SLIT2: variants seen among roughly 807,000 people sequenced by gnomAD.
The protein encoded by SLIT2 is slit guidance ligand 2.
A neutral mutation model predicts 185.7 loss-of-function variants in SLIT2; 41 were observed. The ratio of observed to expected loss-of-function variants is 0.22; its 90% CI spans 0.17 to 0.29. The LOEUF is 0.29. Ranked by LOEUF, SLIT2 falls within the 10% of genes least tolerant of loss-of-function variation. SLIT2 has a pLI of 1.00. For synonymous variants in SLIT2, 693 were observed against 680.2 expected, an observed-to-expected ratio of 1.02 and a Z score of -0.29; for missense variants, 1,571 against 1,909.0, an observed-to-expected ratio of 0.82 and a Z score of 3.30.
intron 4 of SLIT2, among the ~76,000 whole-genome samples, chr4:20,454,597 G>A (rs1387780581): frequency 6.6e-6 from 1 of 152,126 alleles, no homozygotes; most frequent in Non-Finnish European, 1.5e-5. Flanking sequence ...GACTCTAAGA[G>A]AGGTTAAACC....
chr4:20,568,330 T>G (rs1280298069), intron 28 of SLIT2, among the ~76,000 whole-genome samples: 1 of 152,124 alleles, frequency 6.6e-6, no homozygotes, highest in Admixed American at 6.6e-5. Flanking sequence ...GATAGTTTTA[T>G]GCCAGAGGAA....
At chr4:20,494,792 A>G (rs1718080649) in intron 9 of SLIT2, among the ~76,000 whole-genome samples, 2 of 151,834 alleles carry the variant, frequency 1.3e-5, no homozygotes, top group Non-Finnish European at 2.9e-5. Context: ...AAAAAAAAAA[A>G]GTACTAAAAT....
In SLIT2 at chr4:20,403,968, T is replaced by A. The variant is rs142816156; in HGVS notation, c.396-63784T>A. Among the ~76,000 whole-genome samples, 280 of 151,832 alleles carry A rather than the reference T, an allele frequency of 1.8e-3. 1 individual carries two copies. The highest frequency in any genetic ancestry group is 1.2e-3 in the South Asian group (6 of 4,808). On this transcript the variant is annotated intron_variant, in intron 4 of 36. Coordinates refer to ENST00000504154, the MANE Select transcript of SLIT2 (RefSeq NM_004787.4). ...TGGAAGATAGATTCATTGGGCCGCATACAAACATGAAATGTCAACTTTGCC... is the reference window on the plus strand; with the variant it reads ...TGGAAGATAGATTCATTGGGCCGCAAACAAACATGAAATGTCAACTTTGCC...
intron 26 of SLIT2, among the ~76,000 whole-genome samples, chr4:20,562,206 T>A (rs927875871): frequency 2.0e-5 from 3 of 151,894 alleles, no homozygotes; most frequent in Non-Finnish European, 4.4e-5. Context: ...ATTTAGTGGC[T>A]TCTTTTTACT....
intron 4 of SLIT2, among the ~76,000 whole-genome samples, chr4:20,335,211 G>A (rs887259369): frequency 6.6e-6 from 1 of 152,188 alleles, no homozygotes; most frequent in South Asian, 2.1e-4. Flanking sequence ...ACCATATCAG[G>A]GAGCTTGAGT....
At chr4:20,590,200 C>T (rs1368941516) in intron 30 of SLIT2, among the ~76,000 whole-genome samples, 6 of 152,148 alleles carry the variant, frequency 3.9e-5, no homozygotes, top group Non-Finnish European at 7.3e-5. Flanking sequence ...CCACCGCGCC[C>T]AGCCCCAGAC....
chr4:20,617,247 G>C (rs754338286), intron 35 of SLIT2, 49 bp downstream of exon 35: 1 of 1,258,416 alleles, frequency 7.9e-7, no homozygotes, highest in Non-Finnish European at 1.0e-6. Context: ...AAGCCTCAAA[G>C]CCAAACCAAA....
At chr4:20,583,501 G>T (rs1429346040) in intron 29 of SLIT2, among the ~76,000 whole-genome samples, 1 of 152,048 alleles carries the variant, frequency 6.6e-6, no homozygotes, top group African/African-American at 2.4e-5. Context: ...TGTTAAACAA[G>T]GAAGGAGCAT....
intron 4 of SLIT2, among the ~76,000 whole-genome samples, chr4:20,402,665 T>C (rs1726452665): frequency 6.6e-6 from 1 of 151,924 alleles, no homozygotes; most frequent in Non-Finnish European, 1.5e-5. Context: ...TTTTGTTTCC[T>C]TTATCACATT....
At chr4:20,329,473 TC>T (rs939525417) in intron 4 of SLIT2, among the ~76,000 whole-genome samples, 1 of 152,056 alleles carries the variant, frequency 6.6e-6, no homozygotes, top group Non-Finnish European at 1.5e-5. Flanking sequence ...GAGTGTTTAT[TC>T]CATAAGAGAA....
At chr4:20,602,728 G>A (rs1028561594) in intron 33 of SLIT2, among the ~76,000 whole-genome samples, 1 of 152,144 alleles carries the variant, frequency 6.6e-6, no homozygotes, top group African/African-American at 2.4e-5. Context: ...AGAGCTGATT[G>A]TCTGCATGTC....
intron 11 of SLIT2, among the ~76,000 whole-genome samples, chr4:20,513,736 T>TGGG (rs112347721): frequency 2.6e-5 from 4 of 151,922 alleles, no homozygotes; most frequent in African/African-American, 9.7e-5. Context: ...TAGCTGTGGT[T>TGGG]GGCGGGGGGA....
chr4:20,598,416 G>A (rs1728149634), intron 33 of SLIT2, 21 bp downstream of exon 33: 1 of 1,613,144 alleles, frequency 6.2e-7, no homozygotes, highest in Non-Finnish European at 8.5e-7. Context: ...CTCAGTTACG[G>A]GTAAAGGTGA....
chr4:20,523,648 T>G (rs887970828), intron 12 of SLIT2, 112 bp from the exon 13 acceptor site: 1 of 793,996 alleles, frequency 1.3e-6, no homozygotes, highest in East Asian at 2.6e-5. Flanking sequence ...AATGTTAGTG[T>G]TGAGGTGAAA....
Position 20,409,725 on chromosome 4 carries a change from C to T in SLIT2, c.396-58027C>T, listed in dbSNP as rs1727055634. Among the ~76,000 whole-genome samples the T allele has an allele frequency of 2.0e-5, 3 of 152,164 alleles. No homozygotes were observed. In the South Asian group the frequency reaches 6.2e-4, roughly 31 times the overall value. ...CATTCCTTTTTCTCCACAACCTCGC[C>T]AGCACCTGTGTTTTTTAACTTTTTA... On this transcript the variant is annotated intron_variant, in intron 4 of 36. Coordinates refer to ENST00000504154, the MANE Select transcript of SLIT2 (RefSeq NM_004787.4).
At position 20,421,885 on chromosome 4, in the gene SLIT2, A is replaced by G. The variant is rs180975736; in HGVS notation, c.396-45867A>G. Among the ~76,000 whole-genome samples the G allele has an allele frequency of 2.5e-4, 38 of 152,244 alleles. No individual in the cohort carries two copies. In the East Asian group the frequency reaches 7.4e-3, roughly 29 times the overall value. ...GCATGCAAGATTGCTTTTCAGATCT[A>G]TGCTTTGGTTTTTTGTTCATTTTTG... is the stretch of plus-strand genomic sequence containing the variant. On this transcript the variant is annotated intron_variant, in intron 4 of 36. Coordinates refer to ENST00000504154, the MANE Select transcript of SLIT2 (RefSeq NM_004787.4).
chr4:20,290,282 C>T (rs1715667342), intron 4 of SLIT2, among the ~76,000 whole-genome samples: 1 of 152,152 alleles, frequency 6.6e-6, no homozygotes, highest in African/African-American at 2.4e-5. Flanking sequence ...GGTTCCCCAT[C>T]TGTGGATTCA....
chr4:20,362,369 G>C (rs549468594), intron 4 of SLIT2, among the ~76,000 whole-genome samples: 1 of 152,096 alleles, frequency 6.6e-6, no homozygotes. Flanking sequence ...AGGATACCTC[G>C]GAAGAGGCAG....
At chr4:20,389,737 A>G (rs566992592) in intron 4 of SLIT2, among the ~76,000 whole-genome samples, 2 of 152,250 alleles carry the variant, frequency 1.3e-5, no homozygotes, top group East Asian at 3.9e-4. Context: ...GCAGATGTGA[A>G]GAGGAGGTAC....
Sources: allele counts gnomAD v4.1 joint callset (sites outside exome capture counted in the v4.1 genomes callset), GRCh38; gene constraint gnomAD v4.1.1; transcripts MANE v1.5; gene names NCBI Gene and HGNC (gene_info 2026-07-23, HGNC 2026-07-21).